The following EPB41L4A variants were observed in gnomAD, a reference collection of about 807,000 sequenced individuals.
EPB41L4A encodes the protein erythrocyte membrane protein band 4.1 like 4A, also known as band 4.1-like protein 4A.
A neutral mutation model predicts 108.6 loss-of-function variants in EPB41L4A; 100 were observed. The ratio of observed to expected loss-of-function variants is 0.92; its 90% CI spans 0.78 to 1.09. The LOEUF is 1.09. EPB41L4A is among the 50% of genes least tolerant of loss of function. The probability of loss-of-function intolerance (pLI) is 0.00; values close to 1 mark genes in which losing one functional copy is unlikely to be tolerated. For missense variants in EPB41L4A, 1,030 were observed against 842.7 expected (o/e 1.22, Z -2.75); for synonymous variants, 319 against 289.0 (o/e 1.10, Z -1.05).
intron 13 of EPB41L4A, among the ~76,000 whole-genome samples, chr5:112,207,662 AC>A (rs1338018191): frequency 6.6e-6 from 1 of 152,340 alleles, no homozygotes; most frequent in Non-Finnish European, 1.5e-5. Context: ...ACCAACAAAT[AC>A]ATGAAAAAAT....
chr5:112,339,379 C>A (rs1580714786), intron 1 of EPB41L4A, among the ~76,000 whole-genome samples: 1 of 150,814 alleles, frequency 6.6e-6, no homozygotes, highest in South Asian at 2.1e-4. Context: ...GTTTTGGTAA[C>A]CACAAATAAC....
intron 1 of EPB41L4A, among the ~76,000 whole-genome samples, chr5:112,308,048 G>C (rs957807252): frequency 6.6e-6 from 1 of 152,088 alleles, no homozygotes; most frequent in African/African-American, 2.4e-5. Context: ...TTTCACATAA[G>C]CACAGACACA....
intron 16 of EPB41L4A, among the ~76,000 whole-genome samples, chr5:112,195,163 G>C (rs907373787): frequency 6.6e-6 from 1 of 152,096 alleles, no homozygotes; most frequent in African/African-American, 2.4e-5. Context: ...CCAGCCTAAA[G>C]AAGTGTAAAA....
intron 1 of EPB41L4A, among the ~76,000 whole-genome samples, chr5:112,360,389 T>G: frequency 6.6e-6 from 1 of 152,230 alleles, no homozygotes. Flanking sequence ...TTCTCCTGCC[T>G]CAGCCTGCCC....
intron 1 of EPB41L4A, among the ~76,000 whole-genome samples, chr5:112,338,979 C>T (rs1031101876): frequency 1.3e-5 from 2 of 152,030 alleles, no homozygotes; most frequent in African/African-American, 4.8e-5. Flanking sequence ...GGCGCCTTAC[C>T]TAGCATGCAG....
At chr5:112,336,578 C>T (rs1318424927) in intron 1 of EPB41L4A, among the ~76,000 whole-genome samples, 1 of 152,082 alleles carries the variant, frequency 6.6e-6, no homozygotes, top group East Asian at 1.9e-4. Context: ...TTTCCTGGTC[C>T]CCTTGTGATT....
chr5:112,273,264 C>T (rs4323272), intron 4 of EPB41L4A, among the ~76,000 whole-genome samples: 142,218 of 152,288 alleles, frequency 0.93, 66,978 homozygotes, highest in Non-Finnish European at 1. Flanking sequence ...ATCTATGTCA[C>T]TGTGTTCTTA....
intron 1 of EPB41L4A, among the ~76,000 whole-genome samples, chr5:112,366,505 G>A (rs1486460326): frequency 6.6e-6 from 1 of 152,060 alleles, no homozygotes; most frequent in Non-Finnish European, 1.5e-5. Flanking sequence ...CAAGGGGTGG[G>A]AGGTATCATC....
At chr5:112,253,341 G>C (rs1408500075) in intron 9 of EPB41L4A, among the ~76,000 whole-genome samples, 2 of 152,060 alleles carry the variant, frequency 1.3e-5, no homozygotes, top group Non-Finnish European at 2.9e-5. Context: ...GGAAACAGCT[G>C]AAAAACATGA....
At chr5:112,142,159 G>A (rs1243909356), downstream of EPB41L4A, among the ~76,000 whole-genome samples, 3 of 152,112 alleles carry the variant, frequency 2.0e-5, no homozygotes, top group Non-Finnish European at 4.4e-5. Flanking sequence ...TTATACACTA[G>A]GTTCTAAGAC....
chr5:112,142,639 C>T (rs1255839729), exon 14 of EPB41L4A: 26 of 152,172 alleles, frequency 1.7e-4, no homozygotes, highest in Admixed American at 1.7e-3. Context: ...CTGGACTGCA[C>T]AGATCAATCA....
intron 9 of EPB41L4A, among the ~76,000 whole-genome samples, chr5:112,251,687 G>C (rs1580532188): frequency 6.6e-6 from 1 of 152,182 alleles, no homozygotes; most frequent in Non-Finnish European, 1.5e-5. Flanking sequence ...AATGGGAGTT[G>C]AGTTTTTGAG....
At chr5:112,215,277 T>G (rs1296853891) in intron 12 of EPB41L4A, among the ~76,000 whole-genome samples, 1 of 152,256 alleles carries the variant, frequency 6.6e-6, no homozygotes, top group Non-Finnish European at 1.5e-5. Context: ...GGCAGTCTTC[T>G]GCAGTAGCAC....
At chr5:112,307,349 TAACCAGAAAAATTTAA>T in intron 2 of EPB41L4A, 21 bp downstream of exon 2, 1 of 1,405,876 alleles carries the variant, frequency 7.1e-7, no homozygotes, top group Non-Finnish European at 1.0e-6. Context: ...GTGAAATTTA[TAACCAGAAAAATTTAA>T]CACAAAGTCA....
intron 12 of EPB41L4A, among the ~76,000 whole-genome samples, chr5:112,231,573 C>G (rs924841468): frequency 1.3e-5 from 2 of 151,016 alleles, no homozygotes; most frequent in Non-Finnish European, 1.5e-5. Flanking sequence ...ATCATGAGGT[C>G]AGGAGATCGA....
intron 1 of EPB41L4A, among the ~76,000 whole-genome samples, chr5:112,355,629 G>T (rs534859134): frequency 1.3e-5 from 2 of 152,040 alleles, no homozygotes; most frequent in Admixed American, 1.3e-4. Flanking sequence ...ACCCTCTCCC[G>T]ATACAACCAC....
Position 112,302,115 on chromosome 5 carries a change from A to T in EPB41L4A, c.204+5271T>A, listed in dbSNP as rs373887684. Among the ~76,000 whole-genome samples the T allele has an allele frequency of 2.6e-5, 4 of 152,312 alleles. 1 individual carries two copies. ...AGGAATATGACAATTTGATTTTACA[A>T]TGTCAGTATTTATGATAAACCAAAG... On this transcript the variant is annotated intron_variant, in intron 2 of 22. Coordinates refer to ENST00000261486, the MANE Select transcript of EPB41L4A (RefSeq NM_022140.5).
Position 112,241,903 on chromosome 5 carries a change from A to G in EPB41L4A, c.796-1093T>C, listed in dbSNP as rs368035862. 2.2e-4 allele frequency among the ~76,000 whole-genome samples: 33 copies of G among 152,354 alleles called. No individual in the cohort carries two copies. In the South Asian group the frequency reaches 2.7e-3, roughly 12 times the overall value. ...GTAAAAGTTGCTTACATTACACTGTAGTCTATTAAGTATATAACAGCATTA... is the reference window on the plus strand; with the variant it reads ...GTAAAAGTTGCTTACATTACACTGTGGTCTATTAAGTATATAACAGCATTA... On this transcript the variant is annotated intron_variant, in intron 9 of 22. Transcript: ENST00000261486.
At chr5:112,270,847 GA>G (rs1463541650) in intron 4 of EPB41L4A, among the ~76,000 whole-genome samples, 1 of 152,162 alleles carries the variant, frequency 6.6e-6, no homozygotes, top group Non-Finnish European at 1.5e-5. Context: ...AAAATGCTGT[GA>G]AATATTATTT....
Sources: allele counts gnomAD v4.1 joint callset (sites outside exome capture counted in the v4.1 genomes callset), GRCh38; gene constraint gnomAD v4.1.1; transcripts MANE v1.5; gene names NCBI Gene and HGNC (gene_info 2026-07-23, HGNC 2026-07-21).